Variants in SIK3 observed in about 807,000 individuals in gnomAD.
The protein encoded by SIK3 is serine/threonine-protein kinase SIK3.
Under a neutral mutation model 144.2 loss-of-function variants are expected in SIK3, and 28 were observed. The ratio of observed to expected loss-of-function variants is 0.19; its 90% confidence interval spans 0.14 to 0.27. The LOEUF (loss-of-function observed/expected upper bound fraction) is 0.27. Ranked by LOEUF, SIK3 falls within the 10% of genes least tolerant of loss-of-function variation. The pLI, the probability that SIK3 is intolerant of heterozygous loss-of-function variation, is 1.00. For synonymous variants in SIK3, 686 were observed against 676.3 expected (o/e 1.01, Z -0.22); for missense variants, 1,319 against 1,776.0 (o/e 0.74, Z 4.62).
At chr11:117,097,052 G>T (rs1262942790) in intron 1 of SIK3, among the ~76,000 whole-genome samples, 1 of 152,136 alleles carries the variant, frequency 6.6e-6, no homozygotes, top group Non-Finnish European at 1.5e-5. Flanking sequence ...GAGTAAAAAT[G>T]GGCTTTGCGG....
At chr11:116,946,397 C>T (rs141162927) in intron 3 of SIK3, among the ~76,000 whole-genome samples, 282 of 152,226 alleles carry the variant, frequency 1.9e-3, no homozygotes, top group African/African-American at 6.7e-3. Flanking sequence ...TGAACATCAA[C>T]ATATTTGCTT....
At chr11:116,990,803 G>C (rs623423) in intron 1 of SIK3, among the ~76,000 whole-genome samples, 8,590 of 152,148 alleles carry the variant, frequency 0.056, 516 homozygotes, top group African/African-American at 0.15. Flanking sequence ...TAAAAGCACT[G>C]TTTGGACAAA....
chr11:116,971,817 G>A (rs554422669), intron 1 of SIK3, among the ~76,000 whole-genome samples: 17 of 152,216 alleles, frequency 1.1e-4, no homozygotes, highest in Non-Finnish European at 2.4e-4. Flanking sequence ...GGCCAGGCGT[G>A]GTGGCTCACG....
At chr11:116,937,952 C>T (rs1484850633) in intron 3 of SIK3, among the ~76,000 whole-genome samples, 1 of 152,084 alleles carries the variant, frequency 6.6e-6, no homozygotes, top group Admixed American at 6.5e-5. Context: ...CGCCTGTAAT[C>T]CCAGTGCTCT....
chr11:116,927,557 A>G (rs964640241), intron 3 of SIK3, among the ~76,000 whole-genome samples, 177 bp from the exon 4 acceptor site: 2 of 152,258 alleles, frequency 1.3e-5, no homozygotes, highest in African/African-American at 4.8e-5. Context: ...ATTAGTAATA[A>G]GTATCCAAAC....
rs1383082117 is a variant in SIK3 at position 116,843,925 on chromosome 11, T to A, written c.*1718A>T. 1 of 152,068 alleles carries A rather than the reference T, an allele frequency of 6.6e-6. No homozygotes were observed. Among genetic ancestry groups the A allele is most frequent in the Non-Finnish European group, 1.5e-5 (1 of 68,046 alleles). 9.4% of individuals were successfully genotyped at this position (152,068 alleles called of 1,614,324 possible). On this transcript the variant is annotated 3_prime_UTR_variant, in exon 25 of 25. Transcript: ENST00000445177. ...GGGTCCAGGAGCCGAGCTGCCAGTA[T>A]CAGTGGAGAAGGACAAGGTGCATGG... is the stretch of plus-strand genomic sequence containing the variant.
intron 3 of SIK3, among the ~76,000 whole-genome samples, chr11:116,953,326 T>C (rs903403424): frequency 6.6e-6 from 1 of 152,198 alleles, no homozygotes; most frequent in African/African-American, 2.4e-5. Context: ...AACTTTTCTC[T>C]GTAGTTAGTT....
At position 116,933,165 on chromosome 11, in the gene SIK3, CAG is replaced by C. The variant is rs1947716172; in HGVS notation, c.455-5787_455-5786del. Among the ~76,000 whole-genome samples the C allele has an allele frequency of 4.2e-5, 6 of 143,330 alleles. No individual in the cohort carries two copies. In the South Asian group the frequency reaches 1.3e-3, roughly 31 times the overall value. The allele number at this position is 143,330 out of a possible 152,430, so 94.0% of individuals were successfully genotyped here. A position where few individuals can be genotyped will look rare whatever the true frequency, so the allele number is the denominator to read the frequency against. ...TTTTTTTTTTTTTTCTTTTTTGAGG[CAG>C]AGTCTCACTGTCACCCAGGATGGAG... On this transcript the variant is annotated intron_variant, in intron 3 of 24. Transcript: ENST00000445177.
chr11:116,948,970 C>CA (rs1948802094), intron 3 of SIK3, among the ~76,000 whole-genome samples: 1 of 152,004 alleles, frequency 6.6e-6, no homozygotes, highest in South Asian at 2.1e-4. Flanking sequence ...GGGAAATTCA[C>CA]AAATATGTGA....
At chr11:116,922,442 G>C (rs1438314414) in intron 4 of SIK3, among the ~76,000 whole-genome samples, 1 of 152,170 alleles carries the variant, frequency 6.6e-6, no homozygotes, top group Non-Finnish European at 1.5e-5. Context: ...AGTGAGCCAT[G>C]ATTATGCCAC....
chr11:116,853,974 A>C (rs1942668586), intron 21 of SIK3, among the ~76,000 whole-genome samples: 1 of 152,264 alleles, frequency 6.6e-6, no homozygotes, highest in Non-Finnish European at 1.5e-5. Flanking sequence ...GTGCTCTCAC[A>C]GTGCCTGGCC....
intron 1 of SIK3, among the ~76,000 whole-genome samples, chr11:117,059,637 A>G (rs1953708050): frequency 6.6e-6 from 1 of 152,238 alleles, no homozygotes; most frequent in Non-Finnish European, 1.5e-5. Context: ...TCCAAAATAT[A>G]CAAAGAACTC....
intron 6 of SIK3, among the ~76,000 whole-genome samples, chr11:116,888,660 T>C (rs1158588275): frequency 2.0e-5 from 3 of 152,244 alleles, no homozygotes; most frequent in Non-Finnish European, 4.4e-5. Flanking sequence ...ATATAGCAAG[T>C]ATCTACTGAC....
intron 1 of SIK3, among the ~76,000 whole-genome samples, chr11:116,993,931 T>C (rs1950576783): frequency 6.6e-6 from 1 of 152,180 alleles, no homozygotes; most frequent in East Asian, 1.9e-4. Context: ...CATGAGTGAG[T>C]TACACATCCG....
intron 1 of SIK3, among the ~76,000 whole-genome samples, chr11:117,057,850 C>T (rs1410516730): frequency 1.3e-5 from 2 of 152,118 alleles, no homozygotes; most frequent in Non-Finnish European, 2.9e-5. Flanking sequence ...CATAGGGTTG[C>T]TATGAAAACC....
chr11:116,903,078 T>A (rs1161862895), intron 4 of SIK3, among the ~76,000 whole-genome samples: 1 of 152,232 alleles, frequency 6.6e-6, no homozygotes. Flanking sequence ...ATAACATAAC[T>A]TATTTTCTGA....
At chr11:116,993,248 G>A (rs1950553524) in intron 1 of SIK3, among the ~76,000 whole-genome samples, 1 of 152,022 alleles carries the variant, frequency 6.6e-6, no homozygotes, top group Non-Finnish European at 1.5e-5. Context: ...GCTTTTAACA[G>A]ACACAACTGA....
chr11:116,994,827 C>T (rs1263843409), intron 1 of SIK3, among the ~76,000 whole-genome samples: 1 of 152,186 alleles, frequency 6.6e-6, no homozygotes, highest in Non-Finnish European at 1.5e-5. Flanking sequence ...CCAAAACAAT[C>T]TGTTTTTGTC....
chr11:116,950,669 A>C (rs1422553460), intron 3 of SIK3, among the ~76,000 whole-genome samples: 3 of 152,224 alleles, frequency 2.0e-5, no homozygotes, highest in Non-Finnish European at 2.9e-5. Flanking sequence ...TGCTCAACTT[A>C]CTGGAACACT....
Sources: allele counts gnomAD v4.1 joint callset (sites outside exome capture counted in the v4.1 genomes callset), GRCh38; gene constraint gnomAD v4.1.1; transcripts MANE v1.5; gene names NCBI Gene and HGNC (gene_info 2026-07-23, HGNC 2026-07-21).